The following EML5 variants were observed in gnomAD, a reference collection of about 807,000 sequenced individuals.
EML5 encodes echinoderm microtubule-associated protein-like 5.
In EML5, 120 loss-of-function variants were observed where a neutral mutation model predicts 250.0. That is an observed-to-expected ratio of 0.48 (90% CI 0.41 to 0.56). The LOEUF is 0.56. EML5 is among the 20% of genes least tolerant of loss of function. The pLI is 0.00. For missense variants in EML5, 2,006 were observed against 2,437.6 expected, an observed-to-expected ratio of 0.82 and a Z score of 3.73; for synonymous variants, 771 against 806.5, an observed-to-expected ratio of 0.96 and a Z score of 0.75.
chr14:88,638,905 A>C lies in EML5; in HGVS notation c.4240T>G (p.Ser1414Ala), dbSNP rs753195808. 6.4e-7 allele frequency: 1 copy of C among 1,563,432 alleles called. No individual in the cohort carries two copies. The highest frequency in any genetic ancestry group is 8.6e-7 in the Non-Finnish European group (1 of 1,156,522). ...VGILHNVATGSQSFYQEHNDD... is the reference protein window; with the variant it reads ...VGILHNVATGAQSFYQEHNDD... ...TTATGTTCCTGATAAAAACTCTGAG[A>C]ACCTACAAAAAAGAATTTGAGAATT... The change falls in exon 32 of 44, where the codon TCT (serine) becomes GCT (alanine). Residue 1414 changes from serine to alanine, a missense_variant and splice_region_variant. Physicochemically the swap from Ser to Ala is moderately conservative, Grantham distance 99 (BLOSUM62 1). Coordinates refer to ENST00000554922, the MANE Select transcript of EML5 (RefSeq NM_183387.3).
At chr14:88,646,519 T>C (rs1306507185) in intron 29 of EML5, among the ~76,000 whole-genome samples, 1 of 152,154 alleles carries the variant, frequency 6.6e-6, no homozygotes, top group Non-Finnish European at 1.5e-5. Context: ...ATTTTGTTGG[T>C]GAATATTATT....
At chr14:88,632,579 G>A (rs1444883343) in intron 33 of EML5, among the ~76,000 whole-genome samples, 1 of 152,136 alleles carries the variant, frequency 6.6e-6, no homozygotes, top group Non-Finnish European at 1.5e-5. Flanking sequence ...GGTTTATGCA[G>A]GAAAGATTTA....
Position 88,663,129 on chromosome 14 carries a change from A to C in EML5, c.3410-10T>G. 1 of 1,523,792 alleles carries C rather than the reference A, an allele frequency of 6.6e-7. No individual in the cohort carries two copies. The allele number at this position is 1,523,792 out of a possible 1,614,324, so 94.4% of individuals were successfully genotyped here. A position where few individuals can be genotyped will look rare whatever the true frequency, so the allele number is the denominator to read the frequency against. ...ACCTGTAAAAGCTTTCCTTCAAAAA[A>C]ATTTTTAAAAATATTTACACATATA... is the stretch of plus-strand genomic sequence containing the variant. On this transcript the variant is annotated splice_polypyrimidine_tract_variant and intron_variant, in intron 23 of 43. Coordinates refer to ENST00000554922, the MANE Select transcript of EML5 (RefSeq NM_183387.3).
chr14:88,651,154 C>CT (rs869045980), intron 27 of EML5, among the ~76,000 whole-genome samples: 2,932 of 93,080 alleles, frequency 0.031, 69 homozygotes, highest in African/African-American at 0.07. Flanking sequence ...TTGTCATTTT[C>CT]TTTTTTTTTT....
intron 27 of EML5, among the ~76,000 whole-genome samples, chr14:88,650,836 C>T (rs899845054): frequency 1.3e-5 from 2 of 152,206 alleles, no homozygotes; most frequent in East Asian, 3.9e-4. Flanking sequence ...GAAATGGGGT[C>T]TTGCTGTGTT....
chr14:88,713,540 C>T (rs959324067), intron 9 of EML5, among the ~76,000 whole-genome samples: 4 of 151,930 alleles, frequency 2.6e-5, no homozygotes, highest in African/African-American at 7.3e-5. Flanking sequence ...TTCACTGGCA[C>T]GATCTTGGCT....
At chr14:88,738,832 G>C (rs1198786796) in intron 6 of EML5, 47 bp downstream of exon 6, 1 of 1,523,972 alleles carries the variant, frequency 6.6e-7, no homozygotes, top group Non-Finnish European at 8.8e-7. Flanking sequence ...ATAATCTTTG[G>C]GAAGTTTAGA....
At chr14:88,681,106 A>C (rs1008949901) in intron 21 of EML5, among the ~76,000 whole-genome samples, 1 of 152,222 alleles carries the variant, frequency 6.6e-6, no homozygotes, top group Non-Finnish European at 1.5e-5. Context: ...GCAAACTTGA[A>C]AACAAATAGA....
chr14:88,763,286 GAATCA>G lies in EML5; in HGVS notation c.198-8620_198-8616del, dbSNP rs373447581. Among the ~76,000 whole-genome samples, 1,061 of 150,598 alleles carry G rather than the reference GAATCA, an allele frequency of 7.0e-3. 9 individuals are homozygous for G. Among genetic ancestry groups the G allele is most frequent in the Non-Finnish European group, 9.0e-3 (606 of 67,578 alleles). On this transcript the variant is annotated intron_variant, in intron 1 of 43. Coordinates refer to ENST00000554922, the MANE Select transcript of EML5 (RefSeq NM_183387.3). ...GACTAATAAAGAAGAAAAGAGAGAA[GAATCA>G]AATAGACACAATAAAAAATGATAAA... is the stretch of plus-strand genomic sequence containing the variant.
chr14:88,627,528 T>C (rs1000811959), intron 34 of EML5, 118 bp downstream of exon 34: 5 of 983,350 alleles, frequency 5.1e-6, no homozygotes, highest in African/African-American at 3.3e-5. Context: ...GTATATTGCA[T>C]AGGCCTCCAC....
At chr14:88,755,174 T>C (rs1029805919) in intron 1 of EML5, among the ~76,000 whole-genome samples, 2 of 152,192 alleles carry the variant, frequency 1.3e-5, no homozygotes, top group African/African-American at 4.8e-5. Context: ...ATAGAATATG[T>C]GATAAACAGT....
intron 40 of EML5, 70 bp downstream of exon 40, chr14:88,618,580 A>T: frequency 6.6e-7 from 1 of 1,512,536 alleles, no homozygotes. Context: ...GGAACTTTAA[A>T]TGCATTCACT....
In EML5 at chr14:88,685,040, C is replaced by T; in HGVS notation, c.2957G>A (p.Ser986Asn). ...CTGAACCAGAAGTGTTATTGGGCCACTTTTATCCACTTCTAGTATTTCACC... is the reference window on the plus strand; with the variant it reads ...CTGAACCAGAAGTGTTATTGGGCCATTTTTATCCACTTCTAGTATTTCACC... Reference protein sequence around the residue: ...KNGEILEVDKSGPITLLVQGH... With the variant: ...KNGEILEVDKNGPITLLVQGH... The change falls in exon 20 of 44, where the codon AGT (serine) becomes AAT (asparagine). Residue 986 changes from serine (S) to asparagine (N), a missense_variant. Ser to Asn is a conservative substitution (Grantham distance 46, BLOSUM62 1). This residue lies in a region of EML5 where 1,375 missense variants were observed against 1,590.3 expected (regional missense o/e 0.86). Transcript: ENST00000554922. 5 of 1,607,184 alleles carry T rather than the reference C, an allele frequency of 3.1e-6. No homozygotes were observed. Among genetic ancestry groups the T allele is most frequent in the Non-Finnish European group, 4.2e-6 (5 of 1,176,890 alleles).
Position 88,658,318 on chromosome 14 carries a change from T to C in EML5, c.3746A>G (p.Asp1249Gly). The C allele has an allele frequency of 1.9e-6, 3 of 1,613,900 alleles. No individual in the cohort carries two copies. Among genetic ancestry groups the C allele is most frequent in the Non-Finnish European group, 2.5e-6 (3 of 1,179,830 alleles). The stretch of plus-strand genomic sequence containing the variant: ...GCCTAGGGTAACCAACATGCTGTCA[T>C]CATAAGTCCAGCGAACATTTGTGAC... ...THVTNVRWTY[D>G]DSMLVTLGGT... The change falls in exon 26 of 44, where the codon GAT becomes GGT. Residue 1249 changes from aspartate to glycine, a missense_variant. Asp to Gly is a moderately conservative substitution (Grantham distance 94). Coordinates refer to ENST00000554922, the MANE Select transcript of EML5 (RefSeq NM_183387.3).
intron 32 of EML5, among the ~76,000 whole-genome samples, chr14:88,634,988 AG>A (rs1360576346): frequency 6.6e-6 from 1 of 152,230 alleles, no homozygotes; most frequent in African/African-American, 2.4e-5. Flanking sequence ...ATGATGGCAA[AG>A]CTTACTGTAT....
intron 23 of EML5, among the ~76,000 whole-genome samples, chr14:88,663,829 C>G (rs2092216804): frequency 6.6e-6 from 1 of 151,934 alleles, no homozygotes; most frequent in African/African-American, 2.4e-5. Context: ...GCCACCATAC[C>G]TGGCCAACAT....
At chr14:88,644,281 T>C (rs920225040) in intron 30 of EML5, among the ~76,000 whole-genome samples, 152 bp downstream of exon 30, 10 of 152,044 alleles carry the variant, frequency 6.6e-5, no homozygotes, top group Non-Finnish European at 1.5e-4. Flanking sequence ...AGAATATCCA[T>C]CCAAAACTCA....
intron 6 of EML5, among the ~76,000 whole-genome samples, chr14:88,737,018 T>A (rs1451919309): frequency 6.6e-6 from 1 of 152,116 alleles, no homozygotes; most frequent in East Asian, 1.9e-4. Flanking sequence ...CCATCTCGGG[T>A]ACCCTCTCCA....
intron 21 of EML5, among the ~76,000 whole-genome samples, chr14:88,669,134 G>A (rs549635475): frequency 2.8e-4 from 43 of 152,282 alleles, no homozygotes; most frequent in Admixed American, 3.3e-4. Flanking sequence ...TATCCTGCCC[G>A]GGAAACCACA....
Sources: gnomAD v4.1 joint callset for allele counts (sites outside exome capture counted in the v4.1 genomes callset) on GRCh38, gnomAD v4.1.1 for gene constraint, gnomAD v4.1.1 regional missense constraint, MANE v1.5 for transcripts, NCBI Gene and HGNC (gene_info 2026-07-23, HGNC 2026-07-21) for gene names.